Variants in JAKMIP2 observed in about 807,000 individuals in gnomAD.
The protein encoded by JAKMIP2 is janus kinase and microtubule-interacting protein 2.
In JAKMIP2, 25 loss-of-function variants were observed where a neutral mutation model predicts 115.0. The ratio of observed to expected loss-of-function variants is 0.22; its 90% confidence interval spans 0.16 to 0.30. JAKMIP2 has a LOEUF of 0.30. Among genes scored for constraint, JAKMIP2 ranks in the 10% least tolerant of loss-of-function variants. The pLI is 1.00. For synonymous variants in JAKMIP2, 334 were observed against 343.6 expected (o/e 0.97, Z 0.31); for missense variants, 642 against 957.6 (o/e 0.67, Z 4.35).
chr5:147,627,747 A>G (rs1386731732), intron 16 of JAKMIP2, among the ~76,000 whole-genome samples: 2 of 149,002 alleles, frequency 1.3e-5, no homozygotes, highest in Non-Finnish European at 3.0e-5. Context: ...AACATTAATT[A>G]CTTTTGTCAT....
At chr5:147,636,614 A>C (rs147777916) in intron 11 of JAKMIP2, among the ~76,000 whole-genome samples, 98 of 152,334 alleles carry the variant, frequency 6.4e-4, no homozygotes, top group African/African-American at 2.2e-3. Context: ...ATATGGATGG[A>C]AAACATTAAA....
intron 2 of JAKMIP2, 102 bp from the exon 3 acceptor site, chr5:147,661,547 C>G: frequency 8.1e-7 from 1 of 1,232,740 alleles, no homozygotes; most frequent in South Asian, 1.5e-5. Context: ...CTCTTAATTC[C>G]TCATCTCTTT....
intron 1 of JAKMIP2, among the ~76,000 whole-genome samples, chr5:147,770,854 A>G (rs1008856621): frequency 6.6e-6 from 1 of 152,180 alleles, no homozygotes; most frequent in African/African-American, 2.4e-5. Context: ...TGTTTTAAAA[A>G]GTGAATCCTG....
chr5:147,628,329 A>G (rs2126677351), intron 16 of JAKMIP2, among the ~76,000 whole-genome samples: 1 of 152,214 alleles, frequency 6.6e-6, no homozygotes, highest in East Asian at 1.9e-4. Context: ...ATGAGAAGGC[A>G]ATGAGCCCCT....
rs1755037625 is a variant in JAKMIP2, at chr5:147,590,005, A to C, written c.*1702T>G. 6.6e-6 allele frequency: 1 copy of C among 152,244 alleles called. No individual in the cohort carries two copies. The highest frequency in any genetic ancestry group is 2.4e-5 in the African/African-American group (1 of 41,466). 9.4% of individuals were successfully genotyped at this position (152,244 alleles called of 1,614,324 possible). On this transcript the variant is annotated 3_prime_UTR_variant, in exon 22 of 22. Transcript: ENST00000616793. ...GCATTTTAACCCCATTTTGCAGATG[A>C]GGAAACTGAGGCACAGAGAGGTTAA...
At chr5:147,776,957 T>TA (rs1283335762) in intron 1 of JAKMIP2, among the ~76,000 whole-genome samples, 1 of 151,890 alleles carries the variant, frequency 6.6e-6, no homozygotes, top group Non-Finnish European at 1.5e-5. Context: ...AATTAAAAAT[T>TA]AAAAAATAAA....
At chr5:147,662,415 T>C (rs1276322642) in intron 2 of JAKMIP2, among the ~76,000 whole-genome samples, 1 of 152,206 alleles carries the variant, frequency 6.6e-6, no homozygotes, top group East Asian at 1.9e-4. Flanking sequence ...TTTAAAACTA[T>C]TCTATGTTTT....
intron 18 of JAKMIP2, 44 bp from the exon 19 acceptor site, chr5:147,618,158 T>C (rs1203386499): frequency 3.6e-6 from 4 of 1,117,776 alleles, no homozygotes; most frequent in East Asian, 3.4e-5. Flanking sequence ...AACTTGGCAT[T>C]GATATCTGGT....
intron 3 of JAKMIP2, among the ~76,000 whole-genome samples, chr5:147,655,695 C>T (rs1468739573): frequency 4.6e-5 from 7 of 152,074 alleles, no homozygotes; most frequent in Non-Finnish European, 1.0e-4. Flanking sequence ...TTATCTGCTT[C>T]AGTTCTGCTC....
chr5:147,622,473 C>T (rs1034516761), intron 17 of JAKMIP2, among the ~76,000 whole-genome samples: 18 of 152,348 alleles, frequency 1.2e-4, no homozygotes, highest in Admixed American at 1.0e-3. Context: ...TTGGATTACT[C>T]TAGCACCTCA....
rs77019885 is a variant in JAKMIP2, at chr5:147,764,402, C to A, written c.-149+18054G>T. 4.3e-3 allele frequency among the ~76,000 whole-genome samples: 620 copies of A among 145,214 alleles called. 12 individuals carry two copies. The highest frequency in any genetic ancestry group is 0.015 in the African/African-American group (588 of 39,356). ...TGGGCTACTCTGCCAGTGAAAGATT[C>A]GTCTAAATGTTGGGTCATAGATACT... On this transcript the variant is annotated intron_variant, in intron 1 of 21. Coordinates refer to ENST00000616793, the MANE Select transcript of JAKMIP2 (RefSeq NM_001270941.2).
chr5:147,636,136 G>C, intron 12 of JAKMIP2, 86 bp downstream of exon 12: 2 of 1,105,950 alleles, frequency 1.8e-6, no homozygotes, highest in Non-Finnish European at 2.7e-6. Flanking sequence ...CCTGGCCCCT[G>C]TGCCACTCCT....
chr5:147,641,799 T>C (rs1165413148), intron 7 of JAKMIP2, 35 bp from the exon 8 acceptor site: 13 of 1,534,592 alleles, frequency 8.5e-6, no homozygotes, highest in South Asian at 2.2e-5. Context: ...AGATCCAGAA[T>C]TGGTAGATGT....
intron 1 of JAKMIP2, among the ~76,000 whole-genome samples, chr5:147,698,828 T>G (rs1752211079): frequency 6.6e-6 from 1 of 152,190 alleles, no homozygotes; most frequent in South Asian, 2.1e-4. Context: ...AGCATGAGAA[T>G]GGACTAATAT....
At chr5:147,654,375 C>T (rs947158165) in intron 3 of JAKMIP2, among the ~76,000 whole-genome samples, 3 of 151,944 alleles carry the variant, frequency 2.0e-5, no homozygotes, top group Middle Eastern at 3.2e-3. Context: ...TGTTTATGTC[C>T]TCTCTTATTT....
intron 1 of JAKMIP2, among the ~76,000 whole-genome samples, chr5:147,773,655 G>A (rs1265862800): frequency 6.6e-6 from 1 of 152,140 alleles, no homozygotes; most frequent in African/African-American, 2.4e-5. Flanking sequence ...TATATATGTA[G>A]TCAAATCTGC....
At chr5:147,631,192 G>C (rs1757331883) in intron 14 of JAKMIP2, among the ~76,000 whole-genome samples, 2 of 152,194 alleles carry the variant, frequency 1.3e-5, no homozygotes, top group Admixed American at 1.3e-4. Context: ...AATAATCATG[G>C]ATGCCTCTGT....
At chr5:147,611,228 G>A (rs551838679) in intron 20 of JAKMIP2, among the ~76,000 whole-genome samples, 4 of 152,260 alleles carry the variant, frequency 2.6e-5, no homozygotes, top group Non-Finnish European at 4.4e-5. Context: ...TGCCACTGGG[G>A]TATGAAATAA....
rs1759615740 is a variant in JAKMIP2 at position 147,671,861 on chromosome 5, C to T, written c.-55G>A. ...TTTAATTTCTTTCAAGCAGGTGCTGCCATGTTACTGTTTCTTATCCTGGAG... is the reference window on the plus strand; with the variant it reads ...TTTAATTTCTTTCAAGCAGGTGCTGTCATGTTACTGTTTCTTATCCTGGAG... On this transcript the variant is annotated 5_prime_UTR_variant, in exon 2 of 22. Coordinates refer to ENST00000616793, the MANE Select transcript of JAKMIP2 (RefSeq NM_001270941.2). The T allele has an allele frequency of 3.4e-6, 5 of 1,474,110 alleles. No homozygotes were observed. The highest frequency in any genetic ancestry group is 3.6e-6 in the Non-Finnish European group (4 of 1,102,770). The allele number at this position is 1,474,110 out of a possible 1,614,324, so 91.3% of individuals were successfully genotyped here.
Sources: allele counts gnomAD v4.1 joint callset (sites outside exome capture counted in the v4.1 genomes callset), GRCh38; gene constraint gnomAD v4.1.1; transcripts MANE v1.5; gene names NCBI Gene and HGNC (gene_info 2026-07-23, HGNC 2026-07-21).